The following UNC5CL variants were observed in gnomAD, a reference collection of about 807,000 sequenced individuals.
UNC5CL encodes unc-5 family C-terminal like.
In UNC5CL, 42 loss-of-function variants were observed where a neutral mutation model predicts 54.1. The observed-to-expected ratio is 0.78, with a 90% confidence interval of 0.61 to 1.00. The LOEUF (loss-of-function observed/expected upper bound fraction) is 1.00, where lower values mean the gene tolerates loss of function less well. Among genes scored for constraint, UNC5CL ranks in the 50% least tolerant of loss-of-function variants. The pLI, the probability that UNC5CL is intolerant of heterozygous loss-of-function variation, is 0.00. For synonymous variants in UNC5CL, 285 were observed against 285.1 expected, an observed-to-expected ratio of 1.00 and a Z score of 0.00; for missense variants, 619 against 675.6, an observed-to-expected ratio of 0.92 and a Z score of 0.93.
Position 41,028,280 on chromosome 6 carries a change from G to A in UNC5CL, c.*93C>T, listed in dbSNP as rs967675969. On this transcript the variant is annotated 3_prime_UTR_variant, in exon 9 of 9. Coordinates refer to ENST00000244565, the MANE Select transcript of UNC5CL (RefSeq NM_173561.3). The surrounding 1 kb of genome is among the most constrained non-coding windows in gnomAD (Gnocchi z 4.3). Reference sequence around the variant, plus strand: ...TCCGAGGGTTCTGGGAAGGGTGGTGGGCACAGCCAGGAACAGCTGCTGTGT... The same window carrying A: ...TCCGAGGGTTCTGGGAAGGGTGGTGAGCACAGCCAGGAACAGCTGCTGTGT... The A allele has an allele frequency of 5.4e-6, 7 of 1,291,488 alleles. No homozygotes were observed. The highest frequency in any genetic ancestry group is 7.3e-6 in the Non-Finnish European group (7 of 962,104). 80.0% of individuals were successfully genotyped at this position (1,291,488 alleles called of 1,614,324 possible). A position where few individuals can be genotyped will look rare whatever the true frequency, so the allele number is the denominator to read the frequency against.
rs947899429 is a variant in UNC5CL at position 41,029,381 on chromosome 6, A to G, written c.1335-786T>C. Among the ~76,000 whole-genome samples, 1 of 152,206 alleles carries G rather than the reference A, an allele frequency of 6.6e-6. No homozygotes were observed. Among genetic ancestry groups the G allele is most frequent in the Non-Finnish European group, 1.5e-5 (1 of 68,034 alleles). The stretch of plus-strand genomic sequence containing the variant: ...CTTCTGGTCATAACGCCCGCAGTTC[A>G]TTATTATTCTTGCTTCAGCTGTTTT... On this transcript the variant is annotated intron_variant, in intron 8 of 8. Transcript: ENST00000244565. The surrounding 1 kb of genome is among the most constrained non-coding windows in gnomAD (Gnocchi z 4.1).
chr6:41,034,163 C>A lies in UNC5CL; in HGVS notation c.404G>T (p.Arg135Leu). Residue 135 changes from arginine (R) to leucine (L), a missense_variant, in exon 3 of 9, where the codon CGC (arginine) becomes CTC (leucine). By Grantham distance (102) the Arg-to-Leu change is moderately radical. Coordinates refer to ENST00000244565, the MANE Select transcript of UNC5CL (RefSeq NM_173561.3). ...CAGGATCAAAGACACCCGCTCCTGG[C>A]GGCCCACAGCCACAGCACCTGGCAG... ...LIPPGAVAVG[R>L]QERVSLILVW... 6.2e-7 allele frequency: 1 copy of A among 1,607,840 alleles called. No individual in the cohort carries two copies. Among genetic ancestry groups the A allele is most frequent in the Non-Finnish European group, 8.5e-7 (1 of 1,176,206 alleles).
In UNC5CL at chr6:41,034,153, C is replaced by T. The variant is rs1762490047; in HGVS notation, c.414G>A (p.Arg138=). Residue 138 remains arginine, a synonymous_variant, in exon 3 of 9, where the codon CGG becomes CGA. Coordinates refer to ENST00000244565, the MANE Select transcript of UNC5CL (RefSeq NM_173561.3). ...PGAVAVGRQE[R]VSLILVWDLS... is the part of the protein sequence containing the mutation. ...GGTCCCACACCAGGATCAAAGACAC[C>T]CGCTCCTGGCGGCCCACAGCCACAG... is the stretch of plus-strand genomic sequence containing the variant. 2.5e-6 allele frequency: 4 copies of T among 1,609,910 alleles called. No individual in the cohort carries two copies. The highest frequency in any genetic ancestry group is 3.4e-6 in the Non-Finnish European group (4 of 1,177,374).
At chr6:41,033,529 G>A (rs1762481217) in intron 3 of UNC5CL, 2 of 492,504 alleles carry the variant, frequency 4.1e-6, no homozygotes, top group East Asian at 7.1e-5. Context: ...GAGAACTGGT[G>A]CTAAGCCTGG....
intron 2 of UNC5CL, among the ~76,000 whole-genome samples, chr6:41,034,481 C>G (rs999502997): frequency 1.4e-4 from 22 of 152,226 alleles, no homozygotes; most frequent in African/African-American, 5.3e-4. Context: ...CATACTGATT[C>G]ATTAGAACAA....
chr6:41,029,740 G>A lies in UNC5CL; in HGVS notation c.1334+648C>T, dbSNP rs916980062. Among the ~76,000 whole-genome samples, 2 of 152,210 alleles carry A rather than the reference G, an allele frequency of 1.3e-5. No individual in the cohort carries two copies. The highest frequency in any genetic ancestry group is 1.3e-4 in the Admixed American group (2 of 15,290). The stretch of plus-strand genomic sequence containing the variant: ...AATCCCAGCTACTCGGGAGGCTGAG[G>A]CAGGAGAATTACTTGAACCCGGGAG... On this transcript the variant is annotated intron_variant, in intron 8 of 8. Coordinates refer to ENST00000244565, the MANE Select transcript of UNC5CL (RefSeq NM_173561.3). The surrounding 1 kb of genome is among the most constrained non-coding windows in gnomAD (Gnocchi z 4.1).
rs75085894 is a variant in UNC5CL at position 41,028,951 on chromosome 6, C to G, written c.1335-356G>C. Reference sequence around the variant, plus strand: ...ACTCCAAATACACCCCTAGCCTCCCCCTAGCCTCCTAACTCCCTCCTTCCT... The same window carrying G: ...ACTCCAAATACACCCCTAGCCTCCCGCTAGCCTCCTAACTCCCTCCTTCCT... On this transcript the variant is annotated intron_variant, in intron 8 of 8. Coordinates refer to ENST00000244565, the MANE Select transcript of UNC5CL (RefSeq NM_173561.3). This position sits in a 1 kb window ranked among gnomAD's most constrained non-coding sequence, Gnocchi z 4.3. 1.3e-5 allele frequency among the ~76,000 whole-genome samples: 2 copies of G among 151,968 alleles called. No individual in the cohort carries two copies. The highest frequency in any genetic ancestry group is 3.9e-4 in the East Asian group (2 of 5,154).
Position 41,028,420 on chromosome 6 carries a change from C to T in UNC5CL, c.1510G>A (p.Gly504Arg), listed in dbSNP as rs200288480. 6.2e-7 allele frequency: 1 copy of T among 1,610,902 alleles called. No homozygotes were observed. Among genetic ancestry groups the T allele is most frequent in the East Asian group, 2.2e-5 (1 of 44,822 alleles). Residue 504 changes from glycine (G) to arginine (R), a missense_variant, in exon 9 of 9, where the codon GGG (glycine) becomes AGG (arginine). By Grantham distance (125) the Gly-to-Arg change is moderately radical. Coordinates refer to ENST00000244565, the MANE Select transcript of UNC5CL (RefSeq NM_173561.3). The surrounding 1 kb of genome is among the most constrained non-coding windows in gnomAD (Gnocchi z 4.3). ...AGGCCCTGGTTATCCCGGGCGCCCC[C>T]GCGCTCGGGGCCTGGGCTGCCGCCG... The part of the protein sequence containing the change: ...THGGSPGPER[G>R]GARDNQGLEL...
chr6:41,030,256 TAGGGTGGAC>T lies in UNC5CL; in HGVS notation c.1334+123_1334+131del, dbSNP rs1762437121. On this transcript the variant is annotated intron_variant, in intron 8 of 8. Transcript: ENST00000244565. ...AATAGAGCTGCCCTTTTATGGGAAA[TAGGGTGGAC>T]AGTAGCCATTCTCTGACTTTTAAGT... 3 of 765,574 alleles carry T rather than the reference TAGGGTGGAC, an allele frequency of 3.9e-6. No individual in the cohort carries two copies. The African/African-American group carries it at 5.2e-5, about 13-fold the overall frequency. The allele number at this position is 765,574 out of a possible 1,614,324, so 47.4% of individuals were successfully genotyped here. A position where few individuals can be genotyped will look rare whatever the true frequency, so the allele number is the denominator to read the frequency against.
chr6:41,028,592 GA>G lies in UNC5CL; in HGVS notation c.1337del (p.Phe446SerfsTer30). 6.2e-7 allele frequency: 1 copy of G among 1,612,864 alleles called. No individual in the cohort carries two copies. The highest frequency in any genetic ancestry group is 8.5e-7 in the Non-Finnish European group (1 of 1,179,854). ...HLGLCGMKIR[F>X]LSCQRSPAAA... ...CTGCGGGGCTGCGCTGGCAGGACAG[GA>G]ACCTGGCCCGAGGTAGGGGAGGAAG... On this transcript the variant is annotated frameshift_variant and splice_region_variant, in exon 9 of 9. Coordinates refer to ENST00000244565, the MANE Select transcript of UNC5CL (RefSeq NM_173561.3). LOFTEE classifies it high-confidence loss of function. This position sits in a 1 kb window ranked among gnomAD's most constrained non-coding sequence, Gnocchi z 4.3.
At position 41,033,913 on chromosome 6, in the gene UNC5CL, C is replaced by T. The variant is rs1265280625; in HGVS notation, c.654G>A (p.Arg218=). 1.2e-6 allele frequency: 2 copies of T among 1,613,676 alleles called. No individual in the cohort carries two copies. Among genetic ancestry groups the T allele is most frequent in the Admixed American group, 1.7e-5 (1 of 59,986 alleles). ...GGGAGAGGTGGATGCGACACTCATC[C>T]CGGGAGGCGTGGGCCCCCGGCCGCC... ...PLGRPGAHAS[R]DECRIHLSHF... The change falls in exon 3 of 9, where the codon CGG becomes CGA. Residue 218 remains arginine (R), a synonymous_variant. Coordinates refer to ENST00000244565, the MANE Select transcript of UNC5CL (RefSeq NM_173561.3).
intron 5 of UNC5CL, 47 bp downstream of exon 5, chr6:41,031,989 G>A (rs1393596056): frequency 1.3e-6 from 2 of 1,583,806 alleles, no homozygotes; most frequent in South Asian, 1.1e-5. Flanking sequence ...GAGGAGACAG[G>A]ATGGGAAAAG....
Position 41,034,899 on chromosome 6 carries a change from T to TGG in UNC5CL, c.174_175dup (p.Gln59ProfsTer3). 1 of 1,614,190 alleles carries TGG rather than the reference T, an allele frequency of 6.2e-7. No individual in the cohort carries two copies. The highest frequency in any genetic ancestry group is 8.5e-7 in the Non-Finnish European group (1 of 1,180,038). ...CTGCCTTGAGACCTCATTTTCTAGT[T>TGG]GGGGGGTAGGCTGGGACACTGGTTC... On this transcript the variant is annotated frameshift_variant, in exon 2 of 9. Transcript: ENST00000244565. LOFTEE classifies it high-confidence loss of function.
chr6:41,036,466 T>C (rs1476062665), intron 1 of UNC5CL, among the ~76,000 whole-genome samples: 1 of 152,246 alleles, frequency 6.6e-6, no homozygotes, highest in Non-Finnish European at 1.5e-5. Context: ...AAAAACTTTG[T>C]ATTTTTTTAA....
Position 41,033,108 on chromosome 6 carries a change from T to C in UNC5CL, c.725A>G (p.Glu242Gly). Residue 242 changes from glutamate (E) to glycine (G), a missense_variant, in exon 4 of 9, where the codon GAA (glutamate) becomes GGA (glycine). Physicochemically the swap from Glu to Gly is moderately conservative, Grantham distance 98. Transcript: ENST00000244565. Reference protein sequence around the residue: ...TCVLEAPVGREARKWLQLAVF... With the variant: ...TCVLEAPVGRGARKWLQLAVF... ...GGCCAGCTGCAGCCATTTGCGGGCT[T>C]CGCGCCCCACAGGTGCCTCCAGCAC... 6.2e-7 allele frequency: 1 copy of C among 1,612,924 alleles called. No individual in the cohort carries two copies. Among genetic ancestry groups the C allele is most frequent in the Non-Finnish European group, 8.5e-7 (1 of 1,179,620 alleles).
rs1762423526 is a variant in UNC5CL at position 41,028,986 on chromosome 6, C to T, written c.1335-391G>A. 2.6e-5 allele frequency among the ~76,000 whole-genome samples: 4 copies of T among 151,814 alleles called. No individual in the cohort carries two copies. The South Asian group carries it at 6.2e-4, about 24-fold the overall frequency. ...TAACTCCCTCCTTCCTCCCTCTCTC[C>T]TAGGCCACAACATCCTGCTCACTAC... On this transcript the variant is annotated intron_variant, in intron 8 of 8. Coordinates refer to ENST00000244565, the MANE Select transcript of UNC5CL (RefSeq NM_173561.3). The surrounding 1 kb of genome is among the most constrained non-coding windows in gnomAD (Gnocchi z 4.3).
At chr6:41,030,232 A>C (rs144400717) in intron 8 of UNC5CL, among the ~76,000 whole-genome samples, 156 bp downstream of exon 8, 121 of 152,308 alleles carry the variant, frequency 7.9e-4, no homozygotes, top group African/African-American at 2.8e-3. Context: ...ACAGTGATTA[A>C]TAGAGCTGCC....
intron 5 of UNC5CL, 135 bp downstream of exon 5, chr6:41,031,901 T>C (rs1277143190): frequency 8.2e-7 from 1 of 1,218,272 alleles, no homozygotes; most frequent in Non-Finnish European, 1.2e-6. Context: ...TCTGTGTGGC[T>C]CCTGGCCTTT....
Position 41,027,352 on chromosome 6 carries a change from G to A in UNC5CL, c.*1021C>T, listed in dbSNP as rs1762399754. 2 of 152,194 alleles carry A rather than the reference G, an allele frequency of 1.3e-5. No individual in the cohort carries two copies. The highest frequency in any genetic ancestry group is 4.8e-5 in the African/African-American group (2 of 41,428). The allele number at this position is 152,194 out of a possible 1,614,324, so 9.4% of individuals were successfully genotyped here. ...CACAAAGACAGGGCACAGAGACTAGGCAGAAACAAAAAGATCTAAGACAGA... is the reference window on the plus strand; with the variant it reads ...CACAAAGACAGGGCACAGAGACTAGACAGAAACAAAAAGATCTAAGACAGA... On this transcript the variant is annotated 3_prime_UTR_variant, in exon 9 of 9. Transcript: ENST00000244565.
Sources: allele counts gnomAD v4.1 joint callset (sites outside exome capture counted in the v4.1 genomes callset), GRCh38; gene constraint gnomAD v4.1.1; non-coding constraint Gnocchi (gnomAD v3.1); transcripts MANE v1.5; gene names NCBI Gene and HGNC (gene_info 2026-07-23, HGNC 2026-07-21).